The following DIPK1A variants were observed in gnomAD, a reference collection of about 807,000 sequenced individuals.
The protein encoded by DIPK1A is divergent protein kinase domain 1A.
Under a neutral mutation model 40.8 loss-of-function variants are expected in DIPK1A, and 27 were observed. The ratio of observed to expected loss-of-function variants is 0.66; its 90% CI spans 0.49 to 0.91. The LOEUF (loss-of-function observed/expected upper bound fraction) is 0.91, where lower values mean the gene tolerates loss of function less well. Ranked by LOEUF, DIPK1A falls within the 40% of genes least tolerant of loss-of-function variation. The pLI, the probability that DIPK1A is intolerant of heterozygous loss-of-function variation, is 0.00. For missense variants in DIPK1A, 412 were observed against 505.7 expected (o/e 0.81, Z 1.78); for synonymous variants, 166 against 171.3 (o/e 0.97, Z 0.24).
At chr1:92,839,866 G>A (rs1325188203), downstream of DIPK1A, among the ~76,000 whole-genome samples, 1 of 151,724 alleles carries the variant, frequency 6.6e-6, no homozygotes, top group Non-Finnish European at 1.5e-5. Context: ...TTTGAGGCAG[G>A]ATCTTGTTCT....
At chr1:92,878,596 G>C (rs1185361660) in intron 1 of DIPK1A, among the ~76,000 whole-genome samples, 2 of 152,034 alleles carry the variant, frequency 1.3e-5, no homozygotes, top group Admixed American at 6.6e-5. Flanking sequence ...CGAGGTGGGC[G>C]GATCACGAGG....
At chr1:92,867,959 G>A (rs1366696393) in intron 2 of DIPK1A, among the ~76,000 whole-genome samples, 1 of 152,144 alleles carries the variant, frequency 6.6e-6, no homozygotes, top group Non-Finnish European at 1.5e-5. Context: ...GACAAGTAAT[G>A]GGGTACTTGT....
chr1:92,839,356 G>A (rs1557443157), downstream of DIPK1A, among the ~76,000 whole-genome samples: 1 of 152,076 alleles, frequency 6.6e-6, no homozygotes, highest in African/African-American at 2.4e-5. Flanking sequence ...GAGACTTCAT[G>A]TCAAAAAACA....
intron 1 of DIPK1A, among the ~76,000 whole-genome samples, chr1:92,888,803 C>T (rs1648724265): frequency 6.6e-6 from 1 of 151,870 alleles, no homozygotes; most frequent in South Asian, 2.1e-4. Context: ...TTTTCATGTA[C>T]CTGTCTTCTT....
In DIPK1A at chr1:92,833,220, G is replaced by A. The variant is rs181631756; in HGVS notation, c.475-186C>T. The stretch of plus-strand genomic sequence containing the variant: ...CTACTAGTCTGTGACATGGAAGGTA[G>A]AGGAAAAAGATTCTTGACCCTAGTT... On this transcript the variant is annotated intron_variant, in intron 4 of 4. Transcript: ENST00000615519. 1,445 of 657,608 alleles carry A rather than the reference G, an allele frequency of 2.2e-3. 4 individuals carry two copies. The highest frequency in any genetic ancestry group is 2.9e-3 in the Non-Finnish European group (1,075 of 364,530). The allele number at this position is 657,608 out of a possible 1,614,324, so 40.7% of individuals were successfully genotyped here.
chr1:92,926,521 G>A (rs1650516923), intron 1 of DIPK1A, among the ~76,000 whole-genome samples: 1 of 152,048 alleles, frequency 6.6e-6, no homozygotes, highest in Non-Finnish European at 1.5e-5. Context: ...TATTAACTGG[G>A]GCAAGCTGGT....
At chr1:92,880,061 T>C (rs1246744951) in intron 1 of DIPK1A, among the ~76,000 whole-genome samples, 1 of 152,228 alleles carries the variant, frequency 6.6e-6, no homozygotes, top group African/African-American at 2.4e-5. Context: ...TGGAGACATG[T>C]TTGGTTTCCC....
chr1:92,837,394 A>T, downstream of DIPK1A: 1 of 1,435,122 alleles, frequency 7.0e-7, no homozygotes, highest in Non-Finnish European at 9.8e-7. Context: ...TACTAAAGTA[A>T]ATTCTTACTA....
intron 1 of DIPK1A, chr1:92,933,866 T>C (rs1268601024): frequency 6.6e-6 from 1 of 152,194 alleles, no homozygotes; most frequent in African/African-American, 2.4e-5. Flanking sequence ...TCTAAACAGA[T>C]ATACAGTCTG....
chr1:92,835,935 A>T (rs1260973496), intron 4 of DIPK1A, among the ~76,000 whole-genome samples: 3 of 152,238 alleles, frequency 2.0e-5, no homozygotes, highest in Non-Finnish European at 4.4e-5. Flanking sequence ...ATTGCTGCAT[A>T]AGTCAAGTGT....
chr1:92,840,499 T>C, downstream of DIPK1A: 1 of 1,303,966 alleles, frequency 7.7e-7, no homozygotes, highest in South Asian at 1.2e-5. Context: ...TGCATTAATA[T>C]AGTAGGGCAC....
At chr1:92,926,033 TTTTG>T (rs2100862550) in intron 1 of DIPK1A, among the ~76,000 whole-genome samples, 1 of 152,250 alleles carries the variant, frequency 6.6e-6, no homozygotes, top group African/African-American at 2.4e-5. Context: ...TCCATTTTGG[TTTTG>T]TTTATTGTCT....
In DIPK1A at chr1:92,842,320, G is replaced by A. The variant is rs1191770852; in HGVS notation, c.*1063C>T. On this transcript the variant is annotated 3_prime_UTR_variant, in exon 5 of 5. Coordinates refer to ENST00000370310, the MANE Select transcript of DIPK1A (RefSeq NM_001006605.5). Reference sequence around the variant, plus strand: ...AGATTTTTAACATGTTCCACTTTAGGTAGGCGAAACCTTTGAGCAGAAAAT... The same window carrying A: ...AGATTTTTAACATGTTCCACTTTAGATAGGCGAAACCTTTGAGCAGAAAAT... 3.0e-6 allele frequency: 3 copies of A among 986,064 alleles called. No individual in the cohort carries two copies. The highest frequency in any genetic ancestry group is 3.6e-6 in the Non-Finnish European group (3 of 830,424). The allele number at this position is 986,064 out of a possible 1,614,324, so 61.1% of individuals were successfully genotyped here.
chr1:92,924,669 C>T (rs1372724123), intron 1 of DIPK1A, among the ~76,000 whole-genome samples: 2 of 152,180 alleles, frequency 1.3e-5, no homozygotes, highest in Admixed American at 1.3e-4. Flanking sequence ...TTCAAGACTG[C>T]ATTCTTCGAA....
intron 2 of DIPK1A, among the ~76,000 whole-genome samples, chr1:92,870,505 C>T (rs574753918): frequency 2.0e-5 from 3 of 152,316 alleles, no homozygotes; most frequent in East Asian, 1.9e-4. Context: ...GGATTACAGG[C>T]GTGAGCCACT....
chr1:92,930,527 A>C (rs1650701683), intron 1 of DIPK1A, among the ~76,000 whole-genome samples: 1 of 152,214 alleles, frequency 6.6e-6, no homozygotes. Flanking sequence ...ATCCACCATC[A>C]GTAACTCTCC....
chr1:92,860,074 G>T (rs748639529), intron 2 of DIPK1A, among the ~76,000 whole-genome samples: 1 of 152,174 alleles, frequency 6.6e-6, no homozygotes, highest in African/African-American at 2.4e-5. Flanking sequence ...AAAATTAAAG[G>T]TATCTAAGAT....
chr1:92,936,065 G>A lies in DIPK1A; in HGVS notation c.54+25311C>T, dbSNP rs144897924. Among the ~76,000 whole-genome samples the A allele has an allele frequency of 4.5e-3, 686 of 151,676 alleles. 4 individuals carry two copies. Among genetic ancestry groups the A allele is most frequent in the African/African-American group, 0.016 (652 of 41,342 alleles). On this transcript the variant is annotated intron_variant, in intron 1 of 4. Coordinates refer to ENST00000370310, the MANE Select transcript of DIPK1A (RefSeq NM_001006605.5). ...CACGCCACTGCATTCCAGCCTGGGC[G>A]ACAGAGAGAGACTTCATCTCAAAAA...
downstream of DIPK1A, among the ~76,000 whole-genome samples, chr1:92,841,205 CTG>C (rs1245185981): frequency 6.6e-6 from 1 of 152,202 alleles, no homozygotes; most frequent in Non-Finnish European, 1.5e-5. Context: ...CCACCAGCCT[CTG>C]TAACCACCAT....
Sources: gnomAD v4.1 joint callset for allele counts (sites outside exome capture counted in the v4.1 genomes callset) on GRCh38, gnomAD v4.1.1 for gene constraint, MANE v1.5 for transcripts, NCBI Gene and HGNC (gene_info 2026-07-23, HGNC 2026-07-21) for gene names.